TCF7L2: variants seen among roughly 807,000 people sequenced by gnomAD.
TCF7L2 encodes the protein transcription factor 7 like 2.
Under a neutral mutation model 77.9 loss-of-function variants are expected in TCF7L2, and 23 were observed. The ratio of observed to expected loss-of-function variants is 0.30; its 90% CI spans 0.21 to 0.42. The LOEUF (loss-of-function observed/expected upper bound fraction) is 0.42. Among genes scored for constraint, TCF7L2 ranks in the 10% least tolerant of loss-of-function variants. The pLI is 1.00. For missense variants in TCF7L2, 654 were observed against 793.1 expected (o/e 0.82, Z 2.11); for synonymous variants, 413 against 340.2 (o/e 1.21, Z -2.36).
At chr10:113,096,737 C>T (rs2061016999) in intron 5 of TCF7L2, among the ~76,000 whole-genome samples, 1 of 152,104 alleles carries the variant, frequency 6.6e-6, no homozygotes, top group African/African-American at 2.4e-5. Context: ...CTTCAGAGGC[C>T]AGTGCAGCAG....
At chr10:113,141,561 T>A (rs944451673) in intron 6 of TCF7L2, among the ~76,000 whole-genome samples, 4 of 152,202 alleles carry the variant, frequency 2.6e-5, no homozygotes, top group African/African-American at 4.8e-5. Flanking sequence ...GATCTCTTTA[T>A]GGCTTCCAGT....
chr10:113,155,013 G>A (rs950024649), intron 11 of TCF7L2, among the ~76,000 whole-genome samples: 7 of 147,906 alleles, frequency 4.7e-5, no homozygotes, highest in African/African-American at 1.5e-4. Flanking sequence ...CTAACTTGAC[G>A]TGGGAGTTTC....
At chr10:113,019,730 G>A (rs2047970416) in intron 4 of TCF7L2, among the ~76,000 whole-genome samples, 1 of 152,064 alleles carries the variant, frequency 6.6e-6, no homozygotes, top group African/African-American at 2.4e-5. Flanking sequence ...GTTTTAAAGT[G>A]GTAAGTGGAT....
intron 3 of TCF7L2, among the ~76,000 whole-genome samples, chr10:112,956,825 T>G (rs543356401): frequency 1.3e-5 from 2 of 152,180 alleles, no homozygotes; most frequent in African/African-American, 4.8e-5. Context: ...CCTTATAATA[T>G]TCAAGGTCCG....
intron 5 of TCF7L2, among the ~76,000 whole-genome samples, chr10:113,071,538 G>A (rs572356467): frequency 1.3e-5 from 2 of 152,034 alleles, no homozygotes; most frequent in East Asian, 1.9e-4. Flanking sequence ...CCGTCCCCCC[G>A]CCACCTCTCT....
At chr10:113,085,709 C>T (rs1327033739) in intron 5 of TCF7L2, among the ~76,000 whole-genome samples, 1 of 152,210 alleles carries the variant, frequency 6.6e-6, no homozygotes, top group Non-Finnish European at 1.5e-5. Flanking sequence ...GGGGCTGAGC[C>T]ACCAGTGAGA....
At chr10:112,997,197 C>A (rs1564762786) in intron 4 of TCF7L2, among the ~76,000 whole-genome samples, 1 of 152,180 alleles carries the variant, frequency 6.6e-6, no homozygotes, top group Non-Finnish European at 1.5e-5. Context: ...GGTTCAAATA[C>A]CACAGCTGGT....
At chr10:112,985,860 T>TTGTGTATGTG (rs1554897244) in intron 4 of TCF7L2, among the ~76,000 whole-genome samples, 8 of 146,608 alleles carry the variant, frequency 5.5e-5, no homozygotes, top group Non-Finnish European at 1.2e-4. Flanking sequence ...AGCCTGTAGT[T>TTGTGTATGTG]TGTGTGTGTG....
intron 4 of TCF7L2, among the ~76,000 whole-genome samples, chr10:112,976,061 GGTTTGA>G (rs1281690817): frequency 6.6e-6 from 1 of 152,174 alleles, no homozygotes; most frequent in Non-Finnish European, 1.5e-5. Flanking sequence ...TATCTATCTG[GGTTTGA>G]GTGTCGGCTC....
chr10:113,070,429 T>C (rs1433507675), intron 5 of TCF7L2, among the ~76,000 whole-genome samples: 3 of 152,032 alleles, frequency 2.0e-5, no homozygotes, highest in African/African-American at 4.8e-5. Flanking sequence ...GACACCACTT[T>C]CCTGTAGAAT....
chr10:113,023,214 G>A (rs1455352522), intron 4 of TCF7L2, among the ~76,000 whole-genome samples: 1 of 152,144 alleles, frequency 6.6e-6, no homozygotes, highest in African/African-American at 2.4e-5. Flanking sequence ...TTTGTGCCCC[G>A]GTGTCTGCAA....
At chr10:113,036,314 C>T (rs986053215) in intron 4 of TCF7L2, among the ~76,000 whole-genome samples, 4 of 152,142 alleles carry the variant, frequency 2.6e-5, no homozygotes, top group Non-Finnish European at 4.4e-5. Flanking sequence ...TCTATGGGAG[C>T]AGGATCAGTC....
At chr10:113,063,212 T>G (rs1272010211) in intron 5 of TCF7L2, among the ~76,000 whole-genome samples, 1 of 152,162 alleles carries the variant, frequency 6.6e-6, no homozygotes. Context: ...GATGCCTACA[T>G]ATGTCTTATA....
intron 3 of TCF7L2, among the ~76,000 whole-genome samples, chr10:112,954,610 GTTAGAACTGCAAATA>G (rs1375857772): frequency 1.3e-5 from 2 of 152,184 alleles, no homozygotes; most frequent in African/African-American, 2.4e-5. Context: ...GATGGGAAGT[GTTAGAACTGCAAATA>G]TTAGAACTGT....
At chr10:112,963,229 T>A (rs1224970195) in intron 3 of TCF7L2, among the ~76,000 whole-genome samples, 2 of 152,132 alleles carry the variant, frequency 1.3e-5, no homozygotes, top group African/African-American at 4.8e-5. Context: ...CTATTTTTTT[T>A]ATGGGATTAC....
chr10:112,983,683 G>A (rs2040936971), intron 4 of TCF7L2, among the ~76,000 whole-genome samples: 1 of 152,160 alleles, frequency 6.6e-6, no homozygotes, highest in Admixed American at 6.5e-5. Flanking sequence ...GACAAGTGGT[G>A]TTAGTTGGTT....
At chr10:113,135,865 G>A (rs1423286928) in intron 5 of TCF7L2, among the ~76,000 whole-genome samples, 1 of 152,204 alleles carries the variant, frequency 6.6e-6, no homozygotes, top group Non-Finnish European at 1.5e-5. Context: ...CTAGGATGCA[G>A]TGATTGGTAG....
intron 3 of TCF7L2, among the ~76,000 whole-genome samples, chr10:112,957,873 T>C (rs922183485): frequency 2.0e-5 from 3 of 152,172 alleles, no homozygotes; most frequent in South Asian, 2.1e-4. Context: ...TCTGGTGTAT[T>C]ACAAACTGAC....
chr10:112,964,098 A>G (rs2296782), intron 3 of TCF7L2, among the ~76,000 whole-genome samples: 60,779 of 152,000 alleles, frequency 0.4, 15,831 homozygotes, highest in East Asian at 0.72. Context: ...AAATATGGGG[A>G]TGGGGTGCTT....
Sources: gnomAD v4.1 joint callset for allele counts (sites outside exome capture counted in the v4.1 genomes callset) on GRCh38, gnomAD v4.1.1 for gene constraint, MANE v1.5 for transcripts, NCBI Gene and HGNC (gene_info 2026-07-23, HGNC 2026-07-21) for gene names.